DOCK2: variants seen among roughly 807,000 people sequenced by gnomAD.
DOCK2 encodes dedicator of cytokinesis 2.
A neutral mutation model predicts 248.9 loss-of-function variants in DOCK2; 87 were observed. The ratio of observed to expected loss-of-function variants is 0.35; its 90% CI spans 0.29 to 0.42. The LOEUF is 0.42. Among genes scored for constraint, DOCK2 ranks in the 10% least tolerant of loss-of-function variants. DOCK2 has a pLI of 1.00. For missense variants in DOCK2, 1,747 were observed against 2,300.2 expected, an observed-to-expected ratio of 0.76 and a Z score of 4.92; for synonymous variants, 805 against 821.6, an observed-to-expected ratio of 0.98 and a Z score of 0.35.
intron 25 of DOCK2, among the ~76,000 whole-genome samples, chr5:169,780,628 G>A (rs1208970078): frequency 6.6e-6 from 1 of 152,200 alleles, no homozygotes; most frequent in East Asian, 1.9e-4. Context: ...TTCAGGTAAA[G>A]AGTGTGTGTT....
At chr5:169,702,986 A>T (rs1351798211) in intron 14 of DOCK2, among the ~76,000 whole-genome samples, 1 of 152,152 alleles carries the variant, frequency 6.6e-6, no homozygotes, top group Non-Finnish European at 1.5e-5. Context: ...TGCAAAGCGC[A>T]TTGCTATATT....
intron 25 of DOCK2, among the ~76,000 whole-genome samples, chr5:169,795,054 A>G (rs1052220253): frequency 3.3e-5 from 5 of 152,172 alleles, no homozygotes; most frequent in Admixed American, 6.5e-5. Context: ...TAACAGTTCC[A>G]TCAGTTACAT....
rs1302920598 is a variant in DOCK2 at position 170,082,105 on chromosome 5, G to A, written c.5430+121G>A. 1.8e-5 allele frequency: 25 copies of A among 1,370,726 alleles called. No individual in the cohort carries two copies. In the East Asian group the frequency reaches 5.7e-4, roughly 31 times the overall value. The allele number at this position is 1,370,726 out of a possible 1,614,324, so 84.9% of individuals were successfully genotyped here. The stretch of plus-strand genomic sequence containing the variant: ...ATGTGGTCATTCCTAGGGAGGCATA[G>A]TCAGGAGGCCCTGAGTTCTGGGACA... On this transcript the variant is annotated intron_variant, in intron 51 of 51. Coordinates refer to ENST00000520908, the MANE Select transcript of DOCK2 (RefSeq NM_004946.3).
At chr5:169,688,990 G>A (rs1760139719) in intron 8 of DOCK2, among the ~76,000 whole-genome samples, 1 of 152,120 alleles carries the variant, frequency 6.6e-6, no homozygotes, top group Admixed American at 6.5e-5. Context: ...AGACAGCTGT[G>A]CCAGAATTTG....
At chr5:170,021,544 A>G (rs181051497) in intron 33 of DOCK2, among the ~76,000 whole-genome samples, 1 of 152,138 alleles carries the variant, frequency 6.6e-6, no homozygotes, top group East Asian at 1.9e-4. Flanking sequence ...TCCCTAAAGG[A>G]TTCTCGTATC....
intron 1 of DOCK2, 59 bp downstream of exon 1, chr5:169,637,428 CAGG>C (rs1756883552): frequency 1.5e-6 from 2 of 1,298,832 alleles, no homozygotes; most frequent in East Asian, 6.3e-5. Context: ...GAGCCGCGAG[CAGG>C]AGGATGCTGC....
At chr5:169,703,212 C>T (rs1247171280) in intron 14 of DOCK2, among the ~76,000 whole-genome samples, 1 of 152,000 alleles carries the variant, frequency 6.6e-6, no homozygotes, top group Non-Finnish European at 1.5e-5. Flanking sequence ...GATCAAATAG[C>T]CAAGCAGGGC....
At chr5:169,935,006 C>T (rs259903) in intron 27 of DOCK2, 29,146 of 258,652 alleles carry the variant, frequency 0.11, 2,551 homozygotes, top group African/African-American at 0.29. Context: ...ATACTGACTG[C>T]AGCCATCTAA....
intron 27 of DOCK2, among the ~76,000 whole-genome samples, chr5:169,944,175 A>G (rs1237938712): frequency 6.6e-6 from 1 of 152,152 alleles, no homozygotes; most frequent in Non-Finnish European, 1.5e-5. Context: ...GTGAGCTGCC[A>G]CACCAAAGGC....
chr5:169,700,090 G>T lies in DOCK2; in HGVS notation c.1209G>T (p.Arg403Ser). 1 of 1,614,040 alleles carries T rather than the reference G, an allele frequency of 6.2e-7. No homozygotes were observed. Among genetic ancestry groups the T allele is most frequent in the South Asian group, 1.1e-5 (1 of 91,062 alleles). ...AGGACTATCCACACCTGGTGGACAGGACCACCGTGGTGGCCAGGAAGCTGG... is the reference window on the plus strand; with the variant it reads ...AGGACTATCCACACCTGGTGGACAGTACCACCGTGGTGGCCAGGAAGCTGG... ...IRKDYPHLVD[R>S]TTVVARKLGF... is the part of the protein sequence containing the mutation. The change falls in exon 13 of 52, where the codon AGG becomes AGT. Residue 403 changes from arginine to serine, a missense_variant. Around this residue, in one of 4 missense-constraint regions of DOCK2, gnomAD observed 375 missense variants for 510.9 expected, o/e 0.73. Coordinates refer to ENST00000520908, the MANE Select transcript of DOCK2 (RefSeq NM_004946.3).
At chr5:169,738,159 T>G (rs1763137269) in intron 22 of DOCK2, among the ~76,000 whole-genome samples, 1 of 152,214 alleles carries the variant, frequency 6.6e-6, no homozygotes, top group Non-Finnish European at 1.5e-5. Context: ...ATGTCTTCTG[T>G]GTTCATGGTT....
At chr5:169,697,337 G>A (rs1285751026) in intron 10 of DOCK2, among the ~76,000 whole-genome samples, 2 of 152,176 alleles carry the variant, frequency 1.3e-5, no homozygotes, top group African/African-American at 4.8e-5. Flanking sequence ...TGTCCAACTA[G>A]TTGGCAAATT....
intron 27 of DOCK2, among the ~76,000 whole-genome samples, chr5:169,962,431 G>A (rs1310926460): frequency 6.6e-6 from 1 of 152,160 alleles, no homozygotes; most frequent in Non-Finnish European, 1.5e-5. Flanking sequence ...CATTTCCCAA[G>A]AGAAAGAAGA....
At chr5:169,789,636 T>C (rs1324954698) in intron 25 of DOCK2, among the ~76,000 whole-genome samples, 1 of 152,246 alleles carries the variant, frequency 6.6e-6, no homozygotes, top group Non-Finnish European at 1.5e-5. Context: ...CAAAATCTCT[T>C]TGATCCTCTT....
intron 27 of DOCK2, among the ~76,000 whole-genome samples, chr5:169,878,673 A>G (rs1171867576): frequency 3.3e-5 from 5 of 152,232 alleles, no homozygotes; most frequent in African/African-American, 1.2e-4. Context: ...CTTTCTTACT[A>G]AGTAATTTAA....
Position 169,764,903 on chromosome 5 carries a change from G to A in DOCK2, c.2554+3278G>A, listed in dbSNP as rs938318817. Among the ~76,000 whole-genome samples the A allele has an allele frequency of 2.7e-5, 4 of 150,920 alleles. No homozygotes were observed. The highest frequency in any genetic ancestry group is 5.9e-5 in the Non-Finnish European group (4 of 68,018). ...ATTTTTATTGCCCTAGAATGTTTTT[G>A]TAAAGGGGCCATGTTACATATGCCT... is the stretch of plus-strand genomic sequence containing the variant. On this transcript the variant is annotated intron_variant, in intron 25 of 51. Transcript: ENST00000520908. This position sits in a 1 kb window ranked among gnomAD's most constrained non-coding sequence, Gnocchi z 4.3.
chr5:170,053,796 G>A (rs1757009882), intron 41 of DOCK2, among the ~76,000 whole-genome samples: 1 of 152,204 alleles, frequency 6.6e-6, no homozygotes, highest in Non-Finnish European at 1.5e-5. Flanking sequence ...TTAGCATAGA[G>A]TAAGTTCATC....
chr5:169,638,359 C>G (rs1756958482), intron 1 of DOCK2, among the ~76,000 whole-genome samples: 1 of 152,020 alleles, frequency 6.6e-6, no homozygotes, highest in African/African-American at 2.4e-5. Flanking sequence ...ATAAATGGTC[C>G]CCATCCAGAG....
chr5:169,819,142 A>T (rs1030632420), intron 26 of DOCK2, among the ~76,000 whole-genome samples: 1 of 152,178 alleles, frequency 6.6e-6, no homozygotes, highest in Non-Finnish European at 1.5e-5. Context: ...CCAATTATTT[A>T]TCTGCTTAAA....
Sources: gnomAD v4.1 joint callset for allele counts (sites outside exome capture counted in the v4.1 genomes callset) on GRCh38, gnomAD v4.1.1 for gene constraint, gnomAD v4.1.1 regional missense constraint, Gnocchi (gnomAD v3.1) non-coding constraint, MANE v1.5 for transcripts, NCBI Gene and HGNC (gene_info 2026-07-23, HGNC 2026-07-21) for gene names.